The following NRL variants were observed in gnomAD, a reference collection of about 807,000 sequenced individuals.
NRL encodes neural retina leucine zipper.
A neutral mutation model predicts 12.5 loss-of-function variants in NRL; 16 were observed. The ratio of observed to expected loss-of-function variants is 1.28; its 90% confidence interval spans 0.87 to 1.95. NRL has a LOEUF of 1.95. NRL is among the 30% of genes most tolerant of loss of function. The probability of loss-of-function intolerance (pLI) is 0.00; values close to 1 mark genes in which losing one functional copy is unlikely to be tolerated. For synonymous variants in NRL, 142 were observed against 150.9 expected (o/e 0.94, Z 0.43); for missense variants, 314 against 325.8 (o/e 0.96, Z 0.28).
chr14:24,084,673 C>G, intron 1 of NRL: 2 of 985,478 alleles, frequency 2.0e-6, no homozygotes, highest in Non-Finnish European at 2.4e-6. Flanking sequence ...AAAGGGCCAG[C>G]TCTCTGAGGT....
rs188809172 is a variant in NRL, at chr14:24,079,296, C to T, written c.*1940G>A. Among the ~76,000 whole-genome samples the T allele has an allele frequency of 1.8e-4, 27 of 152,242 alleles. No homozygotes were observed. Among genetic ancestry groups the T allele is most frequent in the Non-Finnish European group, 3.1e-4 (21 of 68,036 alleles). ...AAAGTAGTGGGTCTGAATTACAGCT[C>T]CAGGGCAGGCAAGGATAGACACAGG... On this transcript the variant is annotated 3_prime_UTR_variant, in exon 3 of 3. Transcript: ENST00000561028.
Position 24,097,203 on chromosome 14 carries a change from A to G in NRL, c.-27-14328T>C, listed in dbSNP as rs917832795. ...AGGCCACTTTGGGTTCACCAAGGCA[A>G]AATCAACTTAACTAGAACATCCCAA... is the stretch of plus-strand genomic sequence containing the variant. On this transcript the variant is annotated intron_variant, in intron 1 of 2. Transcript: ENST00000561028. 5.5e-6 allele frequency: 8 copies of G among 1,459,036 alleles called. No individual in the cohort carries two copies. The African/African-American group carries it at 7.0e-5, about 13-fold the overall frequency. 90.4% of individuals were successfully genotyped at this position (1,459,036 alleles called of 1,614,324 possible).
chr14:24,105,307 A>G (rs1031848060), intron 1 of NRL, among the ~76,000 whole-genome samples: 2 of 152,236 alleles, frequency 1.3e-5, no homozygotes, highest in African/African-American at 4.8e-5. Context: ...TGAACCCACA[A>G]CCTTCCAGTG....
At chr14:24,107,606 T>A (rs542761924) in intron 1 of NRL, among the ~76,000 whole-genome samples, 2 of 152,326 alleles carry the variant, frequency 1.3e-5, no homozygotes, top group South Asian at 4.1e-4. Flanking sequence ...TAGTTTAGCT[T>A]TGCTCCCATT....
In NRL at chr14:24,104,168, G is replaced by A. The variant is rs150461115; in HGVS notation, c.-28+10554C>T. 9 of 578,764 alleles carry A rather than the reference G, an allele frequency of 1.6e-5. No homozygotes were observed. In the East Asian group the frequency reaches 2.6e-4, roughly 17 times the overall value. The allele number at this position is 578,764 out of a possible 1,614,324, so 35.9% of individuals were successfully genotyped here. A position where few individuals can be genotyped will look rare whatever the true frequency, so the allele number is the denominator to read the frequency against. On this transcript the variant is annotated intron_variant, in intron 1 of 2. Transcript: ENST00000561028. ...TTTCATTTCCCACCTATCTTCACAG[G>A]CTTCCCTCTAACACCTGTCTCACAA...
chr14:24,087,874 C>T lies in NRL; in HGVS notation c.-27-4999G>A, dbSNP rs144793685. Among the ~76,000 whole-genome samples, 799 of 152,164 alleles carry T rather than the reference C, an allele frequency of 5.3e-3. 2 individuals are homozygous for T. The highest frequency in any genetic ancestry group is 0.019 in the African/African-American group (771 of 41,502). On this transcript the variant is annotated intron_variant, in intron 1 of 2. Transcript: ENST00000561028. The stretch of plus-strand genomic sequence containing the variant: ...GGTGGATCGCTTGAGCCCAGAAGTT[C>T]GACACCAGCCTGGGCAACATGGCAA...
chr14:24,081,358 G>A lies in NRL; in HGVS notation c.592C>T (p.Leu198=). ...EAERARLAAQ[L]DALRAEVARL... is the part of the protein sequence containing the mutation. Reference sequence around the variant, plus strand: ...GCCACCTCGGCCCGCAGCGCGTCCAGCTGGGCGGCCAGGCGGGCGCGCTCG... The same window carrying A: ...GCCACCTCGGCCCGCAGCGCGTCCAACTGGGCGGCCAGGCGGGCGCGCTCG... The change falls in exon 3 of 3, where the codon CTG becomes TTG. Residue 198 remains leucine, a synonymous_variant. Coordinates refer to ENST00000561028, the MANE Select transcript of NRL (RefSeq NM_001354768.3). This position sits in a 1 kb window ranked among gnomAD's most constrained non-coding sequence, Gnocchi z 4.4. 2 of 1,452,930 alleles carry A rather than the reference G, an allele frequency of 1.4e-6. No homozygotes were observed. Among genetic ancestry groups the A allele is most frequent in the South Asian group, 2.8e-5 (2 of 71,308 alleles). The allele number at this position is 1,452,930 out of a possible 1,614,324, so 90.0% of individuals were successfully genotyped here.
chr14:24,081,190 G>A lies in NRL; in HGVS notation c.*46C>T. The A allele has an allele frequency of 7.6e-7, 1 of 1,318,476 alleles. No individual in the cohort carries two copies. 81.7% of individuals were successfully genotyped at this position (1,318,476 alleles called of 1,614,324 possible). ...ACCGTGCAGCCGCCTCCTGGGCGGA[G>A]CCACCCCACCCAGCCCCCACTACAC... On this transcript the variant is annotated 3_prime_UTR_variant, in exon 3 of 3. Transcript: ENST00000561028. This position sits in a 1 kb window ranked among gnomAD's most constrained non-coding sequence, Gnocchi z 4.4.
At chr14:24,099,109 A>T in intron 1 of NRL, 1 of 1,612,536 alleles carries the variant, frequency 6.2e-7, no homozygotes, top group Non-Finnish European at 8.5e-7. Flanking sequence ...CACGTGCCCG[A>T]CCAGCGGGAG....
chr14:24,094,447 C>G lies in NRL; in HGVS notation c.-27-11572G>C. ...GCCCTGGCCTGCGGTGAGTGACCCC[C>G]GGCCCGGGGCCCACCCGCACCTTCC... On this transcript the variant is annotated intron_variant, in intron 1 of 2. Coordinates refer to ENST00000561028, the MANE Select transcript of NRL (RefSeq NM_001354768.3). The surrounding 1 kb of genome is among the most constrained non-coding windows in gnomAD (Gnocchi z 4.1). The G allele has an allele frequency of 1.3e-6, 2 of 1,536,962 alleles. No individual in the cohort carries two copies. Among genetic ancestry groups the G allele is most frequent in the Non-Finnish European group, 1.7e-6 (2 of 1,148,048 alleles).
chr14:24,100,458 G>C (rs528339551), intron 1 of NRL: 2 of 916,484 alleles, frequency 2.2e-6, no homozygotes, highest in South Asian at 2.1e-5. Flanking sequence ...AGTTGAATGA[G>C]GGTAGTTGTG....
intron 1 of NRL, among the ~76,000 whole-genome samples, chr14:24,087,064 G>A (rs1209454360): frequency 1.3e-5 from 2 of 152,234 alleles, no homozygotes; most frequent in Non-Finnish European, 2.9e-5. Context: ...GTGACTCCAG[G>A]AATAATAGAA....
intron 1 of NRL, chr14:24,084,832 C>T: frequency 2.0e-6 from 1 of 509,118 alleles, no homozygotes; most frequent in Non-Finnish European, 2.5e-6. Context: ...CAACAAAGCT[C>T]CTCACTGATG....
intron 1 of NRL, among the ~76,000 whole-genome samples, chr14:24,104,328 TAAA>T (rs879343120): frequency 7.0e-6 from 1 of 143,486 alleles, no homozygotes; most frequent in Admixed American, 7.0e-5. Flanking sequence ...CCTGAGTTCT[TAAA>T]AAAAAAAAAA....
chr14:24,098,261 G>A, intron 1 of NRL: 3 of 1,614,128 alleles, frequency 1.9e-6, no homozygotes, highest in South Asian at 1.1e-5. Context: ...GACGGTGATT[G>A]TAACTCCTTC....
intron 1 of NRL, among the ~76,000 whole-genome samples, chr14:24,101,177 A>G (rs991495503): frequency 6.6e-6 from 1 of 152,172 alleles, no homozygotes. Context: ...CTTTCCCCAC[A>G]GGCTAGTTCC....
intron 1 of NRL, among the ~76,000 whole-genome samples, chr14:24,095,903 AC>A (rs762088827): frequency 4.6e-5 from 7 of 152,174 alleles, no homozygotes; most frequent in Non-Finnish European, 8.8e-5. Context: ...CCCGAGGGCA[AC>A]ATTTTATGCA....
At chr14:24,096,441 T>C (rs1229966220) in intron 1 of NRL, among the ~76,000 whole-genome samples, 1 of 152,068 alleles carries the variant, frequency 6.6e-6, no homozygotes, top group South Asian at 2.1e-4. Flanking sequence ...TTCACCATGT[T>C]GCCCAGTATG....
intron 1 of NRL, among the ~76,000 whole-genome samples, chr14:24,084,325 G>C (rs1408404773): frequency 2.6e-5 from 4 of 152,210 alleles, no homozygotes; most frequent in Non-Finnish European, 5.9e-5. Flanking sequence ...AGAACTGGAT[G>C]TACAGAAGGA....
Sources: gnomAD v4.1 joint callset for allele counts (sites outside exome capture counted in the v4.1 genomes callset) on GRCh38, gnomAD v4.1.1 for gene constraint, Gnocchi (gnomAD v3.1) non-coding constraint, MANE v1.5 for transcripts, NCBI Gene and HGNC (gene_info 2026-07-23, HGNC 2026-07-21) for gene names.